The following SPATA18 variants were observed in gnomAD, a reference collection of about 807,000 sequenced individuals.
SPATA18 encodes spermatogenesis associated 18, also known as mitochondria-eating protein.
A neutral mutation model predicts 68.1 loss-of-function variants in SPATA18; 54 were observed. The ratio of observed to expected loss-of-function variants is 0.79; its 90% CI spans 0.64 to 0.99. The LOEUF is 0.99. Among genes scored for constraint, SPATA18 ranks in the 50% least tolerant of loss-of-function variants. SPATA18 has a pLI of 0.00. For missense variants in SPATA18, 724 were observed against 681.1 expected (o/e 1.06, Z -0.70); for synonymous variants, 242 against 244.8 (o/e 0.99, Z 0.11).
In SPATA18 at chr4:52,076,929, G is replaced by C; in HGVS notation, c.909G>C (p.Leu303Phe). Residue 303 changes from leucine (L) to phenylalanine (F), a missense_variant, in exon 7 of 13, where the codon TTG (leucine) becomes TTC (phenylalanine). Coordinates refer to ENST00000295213, the MANE Select transcript of SPATA18 (RefSeq NM_145263.4). ...ATGTGGCGCGCAAGGCTGCCCTCTT[G>C]TCCCGGTTCAGCGATTCCTATTCCC... ...LSNVARKAALLSRFSDSYSQA... is the reference protein window; with the variant it reads ...LSNVARKAALFSRFSDSYSQA... 6.2e-7 allele frequency: 1 copy of C among 1,614,180 alleles called. No homozygotes were observed. Among genetic ancestry groups the C allele is most frequent in the Non-Finnish European group, 8.5e-7 (1 of 1,180,042 alleles).
intron 1 of SPATA18, among the ~76,000 whole-genome samples, chr4:52,057,877 C>T (rs1329229528): frequency 1.3e-5 from 2 of 152,174 alleles, no homozygotes; most frequent in African/African-American, 4.8e-5. Context: ...ATTATTATCC[C>T]CATTGCATGG....
rs1331476825 is a variant in SPATA18, at chr4:52,060,889, T to C, written c.301T>C (p.Ser101Pro). 3 of 1,613,360 alleles carry C rather than the reference T, an allele frequency of 1.9e-6. No individual in the cohort carries two copies. ...AAAATCTGTTGACAGCAAGGTCCCC[T>C]CTCTGCAGGTAGGGATGCTGAAGGA... ...LGKSVDSKVP[S>P]LQDTFDRERH... The change falls in exon 3 of 13, where the codon TCT (serine) becomes CCT (proline). Residue 101 changes from serine to proline, a missense_variant. Transcript: ENST00000295213.
rs1028144713 is a variant in SPATA18 at position 52,082,204 on chromosome 4, C to G, written c.1356-183C>G. ...ACGATTTGGTCTTAGCATATCCGTG[C>G]TGGGTCCCAGTTATCATTAGTTCCT... is the stretch of plus-strand genomic sequence containing the variant. On this transcript the variant is annotated intron_variant, in intron 9 of 12. Coordinates refer to ENST00000295213, the MANE Select transcript of SPATA18 (RefSeq NM_145263.4). Among the ~76,000 whole-genome samples the G allele has an allele frequency of 3.6e-5, 5 of 139,518 alleles. No homozygotes were observed. In the East Asian group the frequency reaches 1.1e-3, roughly 32 times the overall value. The allele number at this position is 139,518 out of a possible 152,430, so 91.5% of individuals were successfully genotyped here.
Position 52,082,504 on chromosome 4 carries a change from G to A in SPATA18, c.1473G>A (p.Gly491=). The change falls in exon 10 of 13, where the codon GGG becomes GGA. Residue 491 remains glycine (G), a synonymous_variant. Transcript: ENST00000295213. ...IMKGEAVTRR[G]AFWNSVRSVS... is the part of the protein sequence containing the mutation. ...AGGGAGAAGCTGTCACCAGGAGAGG[G>A]GCTTTTGTACGGTGGCCTTGCATAG... The A allele has an allele frequency of 1.2e-6, 2 of 1,614,052 alleles. No individual in the cohort carries two copies. The highest frequency in any genetic ancestry group is 2.2e-5 in the East Asian group (1 of 44,872).
At chr4:52,060,343 G>A in intron 1 of SPATA18, 76 bp from the exon 2 acceptor site, 2 of 1,229,548 alleles carry the variant, frequency 1.6e-6, no homozygotes, top group Admixed American at 2.0e-5. Context: ...CGTGGGTCAA[G>A]TGAGGCCCTG....
At chr4:52,074,066 A>G (rs1315316766) in intron 6 of SPATA18, among the ~76,000 whole-genome samples, 4 of 151,650 alleles carry the variant, frequency 2.6e-5, no homozygotes, top group Non-Finnish European at 5.9e-5. Context: ...GGTAAGTAAA[A>G]CCTCCCCAAG....
At chr4:52,081,352 C>A (rs1368116569) in intron 9 of SPATA18, among the ~76,000 whole-genome samples, 1 of 152,232 alleles carries the variant, frequency 6.6e-6, no homozygotes, top group Non-Finnish European at 1.5e-5. Flanking sequence ...TCTAGAACTT[C>A]ACAGAACAAG....
chr4:52,068,771 A>G (rs1452293816), intron 4 of SPATA18, among the ~76,000 whole-genome samples: 1 of 152,246 alleles, frequency 6.6e-6, no homozygotes, highest in Non-Finnish European at 1.5e-5. Flanking sequence ...TGGCAGGGTC[A>G]GAGAAGTCAA....
intron 4 of SPATA18, among the ~76,000 whole-genome samples, chr4:52,065,905 C>T (rs535589081): frequency 6.6e-6 from 1 of 152,290 alleles, no homozygotes; most frequent in South Asian, 2.1e-4. Flanking sequence ...ATGAATCTTG[C>T]TTTTCCTCCT....
chr4:52,081,263 G>A (rs1395060197), intron 9 of SPATA18, among the ~76,000 whole-genome samples: 2 of 152,184 alleles, frequency 1.3e-5, no homozygotes, highest in Admixed American at 6.5e-5. Context: ...CAGCTTCTAG[G>A]GCATTCTCTG....
rs1206303649 is a variant in SPATA18 at position 52,078,868 on chromosome 4, T to G, written c.1154T>G (p.Leu385Arg). ...GATTATGTCATTTGTCATCTTGATC[T>G]ATATGATTCTCAAAGCAGTGTCAAT... ...VLDYVICHLD[L>R]YDSQSSVNDV... The change falls in exon 8 of 13, where the codon CTA becomes CGA. Residue 385 changes from leucine (L) to arginine (R), a missense_variant. By Grantham distance (102) the Leu-to-Arg change is moderately radical. Transcript: ENST00000295213. 6.3e-7 allele frequency: 1 copy of G among 1,593,432 alleles called. No homozygotes were observed. Among genetic ancestry groups the G allele is most frequent in the Admixed American group, 1.7e-5 (1 of 59,754 alleles).
intron 11 of SPATA18, among the ~76,000 whole-genome samples, chr4:52,088,934 C>T (rs942113443): frequency 6.6e-6 from 1 of 152,120 alleles, no homozygotes; most frequent in Non-Finnish European, 1.5e-5. Context: ...GGTTGGTAGG[C>T]TATTAATTAC....
chr4:52,070,546 A>AT (rs1359238225), intron 5 of SPATA18, among the ~76,000 whole-genome samples: 8 of 81,090 alleles, frequency 9.9e-5, no homozygotes, highest in African/African-American at 3.5e-4. Context: ...GGGTAGGGGG[A>AT]GGGGGGAGGG....
intron 11 of SPATA18, 69 bp from the exon 12 acceptor site, chr4:52,094,458 A>G: frequency 6.6e-7 from 1 of 1,524,884 alleles, no homozygotes; most frequent in Non-Finnish European, 9.1e-7. Context: ...GAAAAAAAAT[A>G]TGTCAAAAGA....
At chr4:52,086,216 A>C (rs1456367849) in intron 11 of SPATA18, among the ~76,000 whole-genome samples, 2 of 152,188 alleles carry the variant, frequency 1.3e-5, no homozygotes, top group Admixed American at 6.5e-5. Context: ...CAAAACAAAA[A>C]CAAAACCAAA....
intron 11 of SPATA18, among the ~76,000 whole-genome samples, chr4:52,090,637 C>T (rs572092587): frequency 2.4e-3 from 369 of 152,318 alleles, no homozygotes; most frequent in Non-Finnish European, 3.2e-3. Flanking sequence ...TGTAGGTTTT[C>T]TGCAGACAGA....
rs561010671 is a variant in SPATA18, at chr4:52,077,651, A to G, written c.1020+611A>G. Among the ~76,000 whole-genome samples, 6 of 152,284 alleles carry G rather than the reference A, an allele frequency of 3.9e-5. No individual in the cohort carries two copies. In the South Asian group the frequency reaches 1.2e-3, roughly 32 times the overall value. ...TTTTGTCTAATATGAGCATATGCAC[A>G]CACAGTGGATATATTATTGCTAATG... On this transcript the variant is annotated intron_variant, in intron 7 of 12. Coordinates refer to ENST00000295213, the MANE Select transcript of SPATA18 (RefSeq NM_145263.4).
In SPATA18 at chr4:52,051,607, ACCCTTCCCG is replaced by A; in HGVS notation, c.-95_-87del. On this transcript the variant is annotated 5_prime_UTR_variant, in exon 1 of 13. Coordinates refer to ENST00000295213, the MANE Select transcript of SPATA18 (RefSeq NM_145263.4). Reference sequence around the variant, plus strand: ...CGCTCTGAGCCCCCCAGAAGAGAACACCCTTCCCGCCATATCACCCCACGGTCCTGCGGA... The same window carrying A: ...CGCTCTGAGCCCCCCAGAAGAGAACACCATATCACCCCACGGTCCTGCGGA... 1.8e-6 allele frequency: 2 copies of A among 1,133,004 alleles called. No individual in the cohort carries two copies. Among genetic ancestry groups the A allele is most frequent in the South Asian group, 2.5e-5 (2 of 80,106 alleles). The allele number at this position is 1,133,004 out of a possible 1,614,324, so 70.2% of individuals were successfully genotyped here.
chr4:52,052,310 C>T (rs1037505134), intron 1 of SPATA18, among the ~76,000 whole-genome samples: 2 of 152,186 alleles, frequency 1.3e-5, no homozygotes, highest in African/African-American at 2.4e-5. Flanking sequence ...GTTAACGTTG[C>T]GGGTTTCACT....
Sources: allele counts gnomAD v4.1 joint callset (sites outside exome capture counted in the v4.1 genomes callset), GRCh38; gene constraint gnomAD v4.1.1; transcripts MANE v1.5; gene names NCBI Gene and HGNC (gene_info 2026-07-23, HGNC 2026-07-21).